The following TMCO1 variants were observed in gnomAD, a reference collection of about 807,000 sequenced individuals.
TMCO1 encodes calcium load-activated calcium channel.
Under a neutral mutation model 29.3 loss-of-function variants are expected in TMCO1, and 29 were observed. That is an observed-to-expected ratio of 0.99 (90% CI 0.74 to 1.35). The LOEUF (loss-of-function observed/expected upper bound fraction) is 1.35. Ranked by LOEUF, TMCO1 falls within the 40% of genes most tolerant of loss-of-function variation. The probability of loss-of-function intolerance (pLI) is 0.00; values close to 1 mark genes in which losing one functional copy is unlikely to be tolerated. For missense variants in TMCO1, 173 were observed against 225.5 expected (o/e 0.77, Z 1.49); for synonymous variants, 80 against 77.1 (o/e 1.04, Z -0.20).
At chr1:165,725,066 A>C, downstream of TMCO1, 2 of 396,536 alleles carry the variant, frequency 5.0e-6, no homozygotes, top group South Asian at 3.8e-5. Context: ...GTATATACAT[A>C]ATAGTATATT....
chr1:165,725,466 G>A, downstream of TMCO1: 1 of 454,022 alleles, frequency 2.2e-6, no homozygotes, highest in Non-Finnish European at 4.4e-6. Context: ...ATAAACTCAG[G>A]TTTACTGTCA....
chr1:165,760,245 T>C (rs867489389), intron 2 of TMCO1, among the ~76,000 whole-genome samples: 4 of 151,578 alleles, frequency 2.6e-5, no homozygotes, highest in African/African-American at 9.7e-5. Context: ...GGCCAACATA[T>C]AGTGAAACCC....
chr1:165,727,483 C>T lies in TMCO1; in HGVS notation c.*540G>A, dbSNP rs1650948512. The T allele has an allele frequency of 2.2e-6, 1 of 453,644 alleles. No homozygotes were observed. The highest frequency in any genetic ancestry group is 4.4e-6 in the Non-Finnish European group (1 of 226,712). The allele number at this position is 453,644 out of a possible 1,614,324, so 28.1% of individuals were successfully genotyped here. On this transcript the variant is annotated 3_prime_UTR_variant, in exon 7 of 7. Transcript: ENST00000367881. ...ACTTTTATTTTAGTCCTTCCTGGCC[C>T]ATGCTAAAACTTATATCTAGAAATA...
chr1:165,725,012 CTCTCTCTCTCTCTATATATA>C (rs1442736779), downstream of TMCO1: 19 of 243,782 alleles, frequency 7.8e-5, 1 homozygote, highest in African/African-American at 4.0e-4. Context: ...CTCTCTCTCT[CTCTCTCTCTCTCTATATATA>C]TATATATATA....
intron 6 of TMCO1, among the ~76,000 whole-genome samples, chr1:165,734,420 G>T (rs1651289670): frequency 6.6e-6 from 1 of 151,948 alleles, no homozygotes. Flanking sequence ...GAAAAAAGAG[G>T]GTTGACTAGA....
At chr1:165,726,246 A>G (rs570768428), downstream of TMCO1, 1 of 699,420 alleles carries the variant, frequency 1.4e-6, no homozygotes, top group East Asian at 2.7e-5. Flanking sequence ...CCATTATCAG[A>G]CATCCTTCTG....
chr1:165,766,056 T>G (rs1652552314), intron 2 of TMCO1, among the ~76,000 whole-genome samples: 3 of 152,188 alleles, frequency 2.0e-5, no homozygotes, highest in Admixed American at 2.0e-4. Flanking sequence ...TTCTGAACCT[T>G]TACTGGTTTG....
intron 6 of TMCO1, among the ~76,000 whole-genome samples, chr1:165,738,317 C>G (rs566476734): frequency 1.8e-4 from 28 of 152,092 alleles, no homozygotes; most frequent in Non-Finnish European, 2.8e-4. Flanking sequence ...AACAACAAAA[C>G]AACCGAAAAA....
At chr1:165,735,024 A>G (rs1200820962) in intron 6 of TMCO1, among the ~76,000 whole-genome samples, 1 of 152,208 alleles carries the variant, frequency 6.6e-6, no homozygotes, top group Non-Finnish European at 1.5e-5. Flanking sequence ...AATCTGCACT[A>G]GAGTAATGTC....
intron 2 of TMCO1, among the ~76,000 whole-genome samples, chr1:165,764,193 G>T (rs982257250): frequency 2.0e-5 from 3 of 152,216 alleles, no homozygotes; most frequent in Non-Finnish European, 4.4e-5. Flanking sequence ...CTGCCAACTA[G>T]CATAGGATCA....
chr1:165,738,303 AAAC>A (rs1336087097), intron 6 of TMCO1, among the ~76,000 whole-genome samples: 6 of 152,148 alleles, frequency 3.9e-5, no homozygotes, highest in Non-Finnish European at 8.8e-5. Context: ...CAAAACAAAC[AAAC>A]AACAACAAAA....
intron 6 of TMCO1, among the ~76,000 whole-genome samples, chr1:165,729,891 A>C (rs150634211): frequency 6.6e-6 from 1 of 152,116 alleles, no homozygotes; most frequent in Non-Finnish European, 1.5e-5. Context: ...TGCATGCATT[A>C]AACTATTCAT....
At position 165,758,932 on chromosome 1, in the gene TMCO1, C is replaced by T. The variant is rs1007872274; in HGVS notation, c.208+593G>A. ...AGTTTCTAAAACAAATACACAATCTCATAATAATTTTTTTCCTAATTTCAG... is the reference window on the plus strand; with the variant it reads ...AGTTTCTAAAACAAATACACAATCTTATAATAATTTTTTTCCTAATTTCAG... On this transcript the variant is annotated intron_variant, in intron 3 of 6. Transcript: ENST00000367881. Among the ~76,000 whole-genome samples the T allele has an allele frequency of 3.3e-5, 5 of 152,272 alleles. No homozygotes were observed. The East Asian group carries it at 7.7e-4, about 23-fold the overall frequency.
chr1:165,742,806 T>C (rs1217595040), intron 6 of TMCO1, among the ~76,000 whole-genome samples: 2 of 152,196 alleles, frequency 1.3e-5, no homozygotes, highest in African/African-American at 2.4e-5. Context: ...TTAAACTTAC[T>C]TGTGCTCCTG....
chr1:165,730,855 G>A (rs79411554), intron 6 of TMCO1, among the ~76,000 whole-genome samples: 2,007 of 151,902 alleles, frequency 0.013, 51 homozygotes, highest in African/African-American at 0.047. Context: ...CAGCCTCCCA[G>A]GTGCTGGCAT....
At chr1:165,750,252 C>T (rs1055685961) in intron 5 of TMCO1, among the ~76,000 whole-genome samples, 3 of 151,944 alleles carry the variant, frequency 2.0e-5, no homozygotes, top group African/African-American at 7.3e-5. Flanking sequence ...AAACAGAGTA[C>T]ATCCTGGCCA....
chr1:165,736,140 A>C (rs1364505644), intron 6 of TMCO1, among the ~76,000 whole-genome samples: 1 of 152,174 alleles, frequency 6.6e-6, no homozygotes, highest in Non-Finnish European at 1.5e-5. Flanking sequence ...CTCTCTATGA[A>C]CCAGGCAGGA....
At chr1:165,726,398 A>C, downstream of TMCO1, 1 of 635,148 alleles carries the variant, frequency 1.6e-6, no homozygotes, top group Non-Finnish European at 2.9e-6. Flanking sequence ...GAGCTCACAC[A>C]CTCTAGTTGA....
chr1:165,767,327 ACCATTCAC>A (rs1393751738), intron 2 of TMCO1, among the ~76,000 whole-genome samples: 2 of 152,214 alleles, frequency 1.3e-5, no homozygotes, highest in African/African-American at 4.8e-5. Flanking sequence ...CCTATAAGGA[ACCATTCAC>A]CCTGTACCTT....
Sources: allele counts gnomAD v4.1 joint callset (sites outside exome capture counted in the v4.1 genomes callset), GRCh38; gene constraint gnomAD v4.1.1; transcripts MANE v1.5; gene names NCBI Gene and HGNC (gene_info 2026-07-23, HGNC 2026-07-21).